Variants in USP39 observed in about 807,000 individuals in gnomAD.
USP39 encodes the protein ubiquitin specific peptidase 39.
A neutral mutation model predicts 66.4 loss-of-function variants in USP39; 38 were observed. That is an observed-to-expected ratio of 0.57 (90% CI 0.44 to 0.75). USP39 has a LOEUF of 0.75. Ranked by LOEUF, USP39 falls within the 30% of genes least tolerant of loss-of-function variation. USP39 has a pLI of 0.00. For synonymous variants in USP39, 303 were observed against 274.6 expected, an observed-to-expected ratio of 1.10 and a Z score of -1.02; for missense variants, 608 against 714.4, an observed-to-expected ratio of 0.85 and a Z score of 1.70.
upstream of USP39, chr2:85,611,271 C>T: frequency 7.1e-7 from 1 of 1,404,448 alleles, no homozygotes; most frequent in East Asian, 2.7e-5. Context: ...CATATATTAA[C>T]CAGTGTGATC....
At chr2:85,609,608 A>C (rs1266600410), upstream of USP39, 46 of 1,613,524 alleles carry the variant, frequency 2.9e-5, no homozygotes, top group Non-Finnish European at 3.9e-5. Flanking sequence ...AACCACAGTA[A>C]GAAAGAAGAG....
upstream of USP39, chr2:85,609,698 T>C: frequency 4.3e-6 from 6 of 1,400,046 alleles, no homozygotes; most frequent in South Asian, 8.1e-5. Context: ...CTTCTTTTTT[T>C]TGAGACGAAG....
upstream of USP39, chr2:85,611,815 C>T: frequency 4.4e-6 from 7 of 1,608,704 alleles, no homozygotes; most frequent in Non-Finnish European, 5.9e-6. Context: ...GAGTCAGGGA[C>T]TGTCGGGCCG....
intron 8 of USP39, among the ~76,000 whole-genome samples, chr2:85,638,328 CTTTT>C (rs1276732996): frequency 6.6e-6 from 1 of 150,734 alleles, no homozygotes; most frequent in Admixed American, 6.6e-5. Flanking sequence ...GGCCCACTTT[CTTTT>C]TTTAATGGAT....
intron 6 of USP39, among the ~76,000 whole-genome samples, chr2:85,631,292 G>A (rs1275348161): frequency 2.0e-5 from 3 of 150,524 alleles, no homozygotes. Flanking sequence ...GGGATTACAG[G>A]CATGAGCCAC....
chr2:85,631,907 C>T (rs1675373532), intron 6 of USP39, among the ~76,000 whole-genome samples: 1 of 151,750 alleles, frequency 6.6e-6, no homozygotes, highest in African/African-American at 2.4e-5. Context: ...CGCCAACATG[C>T]CCAGCTAATT....
rs13421407 is a variant in USP39 at position 85,640,480 on chromosome 2, G to A, written c.1285-496G>A. Reference sequence around the variant, plus strand: ...ATGTTTGTATTTTTAGTAGAGATGCGGTTTCACCCTGTTGGCCAGGCTGGT... The same window carrying A: ...ATGTTTGTATTTTTAGTAGAGATGCAGTTTCACCCTGTTGGCCAGGCTGGT... On this transcript the variant is annotated intron_variant, in intron 9 of 12. Transcript: ENST00000323701. Among the ~76,000 whole-genome samples, 1,170 of 151,510 alleles carry A rather than the reference G, an allele frequency of 7.7e-3. 41 individuals are homozygous for A. The highest frequency in any genetic ancestry group is 0.058 in the Admixed American group (878 of 15,186).
At position 85,633,907 on chromosome 2, in the gene USP39, G is replaced by A. The variant is rs549178003; in HGVS notation, c.950-2146G>A. 5.3e-5 allele frequency among the ~76,000 whole-genome samples: 7 copies of A among 132,122 alleles called. No individual in the cohort carries two copies. The South Asian group carries it at 1.8e-3, about 34-fold the overall frequency. 86.7% of individuals were successfully genotyped at this position (132,122 alleles called of 152,430 possible). A position where few individuals can be genotyped will look rare whatever the true frequency, so the allele number is the denominator to read the frequency against. On this transcript the variant is annotated intron_variant, in intron 6 of 12. Coordinates refer to ENST00000323701, the MANE Select transcript of USP39 (RefSeq NM_006590.4). ...GGCTGGAGTGCAGTGGCGGGATCTCGGCTCACTGCAAGCTCCGCCTCCCGG... is the reference window on the plus strand; with the variant it reads ...GGCTGGAGTGCAGTGGCGGGATCTCAGCTCACTGCAAGCTCCGCCTCCCGG...
upstream of USP39, among the ~76,000 whole-genome samples, chr2:85,609,974 C>T (rs1043657409): frequency 2.0e-5 from 3 of 151,466 alleles, no homozygotes; most frequent in African/African-American, 7.3e-5. Flanking sequence ...AGCCACTGCA[C>T]CCAGCTGCCC....
chr2:85,614,017 C>T (rs937822004), upstream of USP39, among the ~76,000 whole-genome samples: 1 of 151,960 alleles, frequency 6.6e-6, no homozygotes, highest in African/African-American at 2.4e-5. Context: ...ATCCTCCTGC[C>T]TCAGGCCTCC....
At chr2:85,633,994 C>T (rs1173829770) in intron 6 of USP39, among the ~76,000 whole-genome samples, 3 of 150,354 alleles carry the variant, frequency 2.0e-5, no homozygotes, top group African/African-American at 2.4e-5. Flanking sequence ...CCCGCCACTA[C>T]GCCCGGCTAA....
chr2:85,637,277 C>A, intron 7 of USP39, 92 bp from the exon 8 acceptor site: 2 of 1,401,026 alleles, frequency 1.4e-6, no homozygotes, highest in Non-Finnish European at 2.0e-6. Context: ...CTGGAAGATG[C>A]TGGTTTATTT....
At chr2:85,615,694 G>C (rs1374833437), upstream of USP39, among the ~76,000 whole-genome samples, 2 of 152,162 alleles carry the variant, frequency 1.3e-5, no homozygotes, top group Non-Finnish European at 2.9e-5. Flanking sequence ...GCAATGGCGC[G>C]ATCTCGGCTC....
In USP39 at chr2:85,616,463, G is replaced by C; in HGVS notation, c.268G>C (p.Ala90Pro). The C allele has an allele frequency of 6.5e-7, 1 of 1,541,152 alleles. No individual in the cohort carries two copies. Among genetic ancestry groups the C allele is most frequent in the Non-Finnish European group, 8.8e-7 (1 of 1,138,814 alleles). ...EDSEPEREVR[A>P]KNGRVDSEDR... is the part of the protein sequence containing the mutation. ...CTCGGAGCCTGAGCGGGAGGTGCGA[G>C]GTGCGCGGGGCCGGGCCGGGCTAGG... is the stretch of plus-strand genomic sequence containing the variant. The change falls in exon 1 of 13, where the codon GCA becomes CCA. Residue 90 changes from alanine (A) to proline (P), a missense_variant and splice_region_variant. Transcript: ENST00000323701.
chr2:85,648,191 C>T (rs115106549), intron 12 of USP39, among the ~76,000 whole-genome samples, 175 bp downstream of exon 12: 82 of 152,194 alleles, frequency 5.4e-4, no homozygotes, highest in African/African-American at 2.0e-3. Flanking sequence ...GAAAGTCAAG[C>T]AGAGATTTTC....
At chr2:85,619,088 A>T (rs1011529077) in intron 1 of USP39, 132 bp from the exon 2 acceptor site, 5 of 1,057,658 alleles carry the variant, frequency 4.7e-6, no homozygotes, top group Admixed American at 2.3e-5. Flanking sequence ...TTTTTTTTCG[A>T]TATTGTTGCC....
At chr2:85,628,434 C>T (rs147890520) in intron 5 of USP39, among the ~76,000 whole-genome samples, 2,036 of 152,126 alleles carry the variant, frequency 0.013, 46 homozygotes, top group African/African-American at 0.046. Context: ...TGTGAGCCAC[C>T]GCGCCCTGCC....
chr2:85,619,738 T>A (rs546658625), intron 2 of USP39, among the ~76,000 whole-genome samples: 1 of 152,068 alleles, frequency 6.6e-6, no homozygotes, highest in African/African-American at 2.4e-5. Flanking sequence ...ATAATATAAT[T>A]ACTCTTGTAA....
upstream of USP39, chr2:85,612,136 A>G: frequency 2.2e-6 from 2 of 896,186 alleles, no homozygotes; most frequent in South Asian, 3.6e-5. Context: ...GATGCAGCGC[A>G]CGGAGTTTTC....
Sources: gnomAD v4.1 joint callset for allele counts (sites outside exome capture counted in the v4.1 genomes callset) on GRCh38, gnomAD v4.1.1 for gene constraint, MANE v1.5 for transcripts, NCBI Gene and HGNC (gene_info 2026-07-23, HGNC 2026-07-21) for gene names.